The following WDR82 variants were observed in gnomAD, a reference collection of about 807,000 sequenced individuals.
WDR82 encodes the protein WD repeat domain 82, also known as WD repeat-containing protein 82.
WDR82 carries 8 observed loss-of-function variants against 36.1 expected under a neutral mutation model. The observed-to-expected ratio is 0.22, with a 90% CI of 0.13 to 0.40. WDR82 has a LOEUF of 0.40. WDR82 is among the 10% of genes least tolerant of loss of function. The pLI, the probability that WDR82 is intolerant of heterozygous loss-of-function variation, is 1.00. For synonymous variants in WDR82, 129 were observed against 137.8 expected (o/e 0.94, Z 0.45); for missense variants, 185 against 400.5 (o/e 0.46, Z 4.59).
chr3:52,268,386 C>T (rs370150007), intron 2 of WDR82: 311 of 470,870 alleles, frequency 6.6e-4, no homozygotes, highest in Non-Finnish European at 1.5e-4. Context: ...GGAAACGGAG[C>T]GCTGGAGGAA....
At chr3:52,272,525 CAGA>C (rs1700163395) in intron 1 of WDR82, among the ~76,000 whole-genome samples, 1 of 133,240 alleles carries the variant, frequency 7.5e-6, no homozygotes, top group South Asian at 2.3e-4. Flanking sequence ...GCCTGGGCAA[CAGA>C]GCAAGACTCC....
intron 1 of WDR82, among the ~76,000 whole-genome samples, chr3:52,273,711 C>T (rs940316350): frequency 1.3e-5 from 2 of 152,174 alleles, no homozygotes; most frequent in Non-Finnish European, 2.9e-5. Flanking sequence ...ACCTCTGCGT[C>T]CCCGGTTCAA....
Position 52,278,235 on chromosome 3 carries a change from C to G in WDR82, c.127G>C (p.Asp43His). The change falls in exon 1 of 9, where the codon GAC (aspartate) becomes CAC (histidine). Residue 43 changes from aspartate (D) to histidine (H), a missense_variant. Coordinates refer to ENST00000296490, the MANE Select transcript of WDR82 (RefSeq NM_025222.4). ...TGGCAGTCATAGAGCACGATGGAGT[C>G]GTCGTCGCTACTCGAGATGACCGTC... ...GETVISSSDDDSIVLYDCQEG... is the reference protein window; with the variant it reads ...GETVISSSDDHSIVLYDCQEG... 1 of 1,607,324 alleles carries G rather than the reference C, an allele frequency of 6.2e-7. No homozygotes were observed. Among genetic ancestry groups the G allele is most frequent in the Non-Finnish European group, 8.5e-7 (1 of 1,176,970 alleles).
intron 3 of WDR82, among the ~76,000 whole-genome samples, chr3:52,266,562 C>T (rs926145732): frequency 6.6e-6 from 1 of 152,048 alleles, no homozygotes; most frequent in Non-Finnish European, 1.5e-5. Flanking sequence ...CTCAGCCTCC[C>T]GAGTAGCTGG....
intron 3 of WDR82, among the ~76,000 whole-genome samples, chr3:52,261,936 C>T (rs1700066052): frequency 6.6e-6 from 1 of 152,146 alleles, no homozygotes; most frequent in Non-Finnish European, 1.5e-5. Flanking sequence ...AATATATGTC[C>T]ACACAAAAAT....
At chr3:52,274,528 G>A (rs1003852289) in intron 1 of WDR82, among the ~76,000 whole-genome samples, 2 of 152,124 alleles carry the variant, frequency 1.3e-5, no homozygotes, top group African/African-American at 2.4e-5. Context: ...GCATGCTATT[G>A]CACTCCAGCC....
chr3:52,267,935 A>G (rs1700120359), intron 2 of WDR82: 1 of 158,792 alleles, frequency 6.3e-6, no homozygotes, highest in Non-Finnish European at 1.4e-5. Context: ...TAGAAAGAAC[A>G]TTCTGAAGGC....
At chr3:52,259,602 A>G (rs1306190710) in intron 6 of WDR82, 115 bp downstream of exon 6, 2 of 1,270,462 alleles carry the variant, frequency 1.6e-6, no homozygotes, top group East Asian at 2.3e-5. Flanking sequence ...ATACAAGTGC[A>G]TGCCTTCATG....
At position 52,278,410 on chromosome 3, in the gene WDR82, G is replaced by A; in HGVS notation, c.-49C>T. On this transcript the variant is annotated 5_prime_UTR_variant, in exon 1 of 9. Coordinates refer to ENST00000296490, the MANE Select transcript of WDR82 (RefSeq NM_025222.4). Reference sequence around the variant, plus strand: ...GCGGCGCAGGGCCGGGGCGGGGCCCGGCGGCGAGCGGGCGGGCTGCCGAGG... The same window carrying A: ...GCGGCGCAGGGCCGGGGCGGGGCCCAGCGGCGAGCGGGCGGGCTGCCGAGG... The A allele has an allele frequency of 7.9e-7, 1 of 1,259,920 alleles. No individual in the cohort carries two copies. Among genetic ancestry groups the A allele is most frequent in the South Asian group, 2.3e-5 (1 of 42,908 alleles). 78.0% of individuals were successfully genotyped at this position (1,259,920 alleles called of 1,614,324 possible).
At chr3:52,270,398 G>A (rs1356835397) in intron 2 of WDR82, among the ~76,000 whole-genome samples, 6 of 152,186 alleles carry the variant, frequency 3.9e-5, no homozygotes, top group Non-Finnish European at 5.9e-5. Flanking sequence ...GATTATAGGC[G>A]CGAGCCCCTA....
chr3:52,263,290 T>C (rs1490191883), intron 3 of WDR82, among the ~76,000 whole-genome samples: 1 of 152,156 alleles, frequency 6.6e-6, no homozygotes, highest in Non-Finnish European at 1.5e-5. Context: ...CCAGTCCACA[T>C]GACTCCAAGA....
chr3:52,272,849 A>AGT (rs1700167103), intron 1 of WDR82, among the ~76,000 whole-genome samples: 3 of 152,258 alleles, frequency 2.0e-5, no homozygotes, highest in Non-Finnish European at 2.9e-5. Context: ...TTTTTGTTAA[A>AGT]GTGAGGCCAA....
intron 1 of WDR82, among the ~76,000 whole-genome samples, chr3:52,276,595 G>C (rs1022561932): frequency 6.6e-6 from 1 of 152,184 alleles, no homozygotes; most frequent in African/African-American, 2.4e-5. Context: ...CAGGTTCTGG[G>C]AAGAGGTTCT....
At chr3:52,266,288 G>A (rs1700105590) in intron 3 of WDR82, among the ~76,000 whole-genome samples, 1 of 151,740 alleles carries the variant, frequency 6.6e-6, no homozygotes, top group African/African-American at 2.4e-5. Context: ...TGTGAGATTT[G>A]GTATTCCTAA....
rs1421517828 is a variant in WDR82, at chr3:52,278,383, C to A, written c.-22G>T. 10 of 1,496,342 alleles carry A rather than the reference C, an allele frequency of 6.7e-6. No individual in the cohort carries two copies. Among genetic ancestry groups the A allele is most frequent in the Non-Finnish European group, 8.9e-6 (10 of 1,120,772 alleles). The allele number at this position is 1,496,342 out of a possible 1,614,324, so 92.7% of individuals were successfully genotyped here. ...TCATGGCGGCGGCTGGGGAAGGCAG[C>A]GGCGGCGCAGGGCCGGGGCGGGGCC... On this transcript the variant is annotated 5_prime_UTR_variant, in exon 1 of 9. Coordinates refer to ENST00000296490, the MANE Select transcript of WDR82 (RefSeq NM_025222.4).
intron 4 of WDR82, among the ~76,000 whole-genome samples, chr3:52,261,149 AAAC>A (rs1393778787): frequency 2.0e-5 from 3 of 152,140 alleles, no homozygotes; most frequent in African/African-American, 4.8e-5. Context: ...AAACAAAACA[AAAC>A]AACAAAAAAC....
At chr3:52,267,570 T>C (rs1700117074) in intron 2 of WDR82, 1 of 152,510 alleles carries the variant, frequency 6.6e-6, no homozygotes, top group Non-Finnish European at 1.5e-5. Context: ...CAAATTACAA[T>C]GAAAATAAAC....
In WDR82 at chr3:52,277,583, G is replaced by A. The variant is rs144930213; in HGVS notation, c.161+618C>T. Among the ~76,000 whole-genome samples, 8 of 152,338 alleles carry A rather than the reference G, an allele frequency of 5.3e-5. No homozygotes were observed. In the East Asian group the frequency reaches 5.8e-4, roughly 11 times the overall value. Reference sequence around the variant, plus strand: ...GTTCACTTATGAACGTGGGCACCAAGTCTGAATGAGTAAGAGAAAGGCTAG... The same window carrying A: ...GTTCACTTATGAACGTGGGCACCAAATCTGAATGAGTAAGAGAAAGGCTAG... On this transcript the variant is annotated intron_variant, in intron 1 of 8. Coordinates refer to ENST00000296490, the MANE Select transcript of WDR82 (RefSeq NM_025222.4).
At chr3:52,274,988 C>A (rs538174173) in intron 1 of WDR82, among the ~76,000 whole-genome samples, 7 of 152,018 alleles carry the variant, frequency 4.6e-5, no homozygotes, top group East Asian at 3.9e-4. Flanking sequence ...TTTGGGAGGC[C>A]GAGGCGGCGG....
Sources: gnomAD v4.1 joint callset for allele counts (sites outside exome capture counted in the v4.1 genomes callset) on GRCh38, gnomAD v4.1.1 for gene constraint, MANE v1.5 for transcripts, NCBI Gene and HGNC (gene_info 2026-07-23, HGNC 2026-07-21) for gene names.